MYO9B: variants seen among roughly 807,000 people sequenced by gnomAD.
MYO9B encodes the protein unconventional myosin-IXb.
In MYO9B, 71 loss-of-function variants were observed where a neutral mutation model predicts 229.5. That is an observed-to-expected ratio of 0.31 (90% CI 0.26 to 0.38). The LOEUF (loss-of-function observed/expected upper bound fraction) is 0.38. MYO9B is among the 10% of genes least tolerant of loss of function. The pLI is 1.00. For missense variants in MYO9B, 2,255 were observed against 2,920.5 expected (o/e 0.77, Z 5.25); for synonymous variants, 1,185 against 1,235.8 (o/e 0.96, Z 0.86).
At chr19:17,138,190 G>A (rs1034338884) in intron 2 of MYO9B, among the ~76,000 whole-genome samples, 15 of 152,148 alleles carry the variant, frequency 9.9e-5, no homozygotes, top group African/African-American at 3.6e-4. Context: ...TGAGAATGAT[G>A]GTTTCCAGCT....
At chr19:17,209,507 A>G (rs568858969) in intron 35 of MYO9B, 79 bp from the exon 36 acceptor site, 1 of 1,463,364 alleles carries the variant, frequency 6.8e-7, no homozygotes, top group East Asian at 2.5e-5. Context: ...CCCCCCAGGC[A>G]CCAGCTAGCA....
chr19:17,200,961 G>A (rs929837654), intron 26 of MYO9B, 132 bp downstream of exon 26: 26 of 1,044,886 alleles, frequency 2.5e-5, no homozygotes, highest in South Asian at 6.0e-5. Context: ...GGCTCAGGCC[G>A]GGGACAGTGG....
intron 2 of MYO9B, among the ~76,000 whole-genome samples, chr19:17,135,718 C>T (rs547043718): frequency 5.3e-5 from 8 of 152,212 alleles, no homozygotes; most frequent in African/African-American, 1.9e-4. Flanking sequence ...ATCGGGTAAT[C>T]GCAGAACCAG....
intron 3 of MYO9B, among the ~76,000 whole-genome samples, chr19:17,151,205 G>A (rs1189274909): frequency 6.6e-6 from 1 of 151,850 alleles, no homozygotes; most frequent in Non-Finnish European, 1.5e-5. Context: ...TTGAACCCAG[G>A]AGGCAGAGGT....
At chr19:17,110,217 T>C (rs552502771) in intron 2 of MYO9B, among the ~76,000 whole-genome samples, 20 of 152,286 alleles carry the variant, frequency 1.3e-4, no homozygotes, top group African/African-American at 4.8e-4. Flanking sequence ...CGCTGTGTAA[T>C]GCTGACCAAA....
intron 2 of MYO9B, among the ~76,000 whole-genome samples, chr19:17,118,461 A>AATTTATTT (rs200647611): frequency 1.3e-5 from 2 of 151,660 alleles, no homozygotes; most frequent in Non-Finnish European, 2.9e-5. Flanking sequence ...TTTTAAAATG[A>AATTTATTT]ATTTATTTAT....
chr19:17,212,574 A>C lies in MYO9B; in HGVS notation c.*264A>C. On this transcript the variant is annotated 3_prime_UTR_variant, in exon 40 of 40. Transcript: ENST00000682292. The surrounding 1 kb of genome is among the most constrained non-coding windows in gnomAD (Gnocchi z 5.4). Reference sequence around the variant, plus strand: ...TCCACCTGCGGCCTCACATCTCCCCACTCCCCTTTTTGTACGTTTAACTGT... The same window carrying C: ...TCCACCTGCGGCCTCACATCTCCCCCCTCCCCTTTTTGTACGTTTAACTGT... 2.3e-6 allele frequency: 1 copy of C among 429,482 alleles called. No individual in the cohort carries two copies. Among genetic ancestry groups the C allele is most frequent in the South Asian group, 6.6e-5 (1 of 15,216 alleles). 26.6% of individuals were successfully genotyped at this position (429,482 alleles called of 1,614,324 possible). A position where few individuals can be genotyped will look rare whatever the true frequency, so the allele number is the denominator to read the frequency against.
intron 10 of MYO9B, among the ~76,000 whole-genome samples, chr19:17,165,530 A>T (rs1274725347): frequency 6.6e-6 from 1 of 151,988 alleles, no homozygotes; most frequent in Non-Finnish European, 1.5e-5. Context: ...ACCTATGATC[A>T]CAACACTGTA....
intron 1 of MYO9B, among the ~76,000 whole-genome samples, chr19:17,092,177 T>G (rs2057644324): frequency 1.3e-5 from 2 of 152,234 alleles, no homozygotes; most frequent in South Asian, 4.1e-4. Context: ...CGCTCAGAGC[T>G]GCTCTCTGCT....
At chr19:17,143,378 G>A (rs1335274446) in intron 2 of MYO9B, among the ~76,000 whole-genome samples, 2 of 152,178 alleles carry the variant, frequency 1.3e-5, no homozygotes, top group Non-Finnish European at 2.9e-5. Flanking sequence ...ATAGCCTACT[G>A]TCTTGGGGAC....
chr19:17,195,996 C>G lies in MYO9B; in HGVS notation c.4046+523C>G, dbSNP rs910512163. Reference sequence around the variant, plus strand: ...AGCCTCCCACTGCTCGTATTGGGGGCCAGATCATTCTCTGCGGTGGGGGCT... The same window carrying G: ...AGCCTCCCACTGCTCGTATTGGGGGGCAGATCATTCTCTGCGGTGGGGGCT... On this transcript the variant is annotated intron_variant, in intron 22 of 39. Coordinates refer to ENST00000682292, the MANE Select transcript of MYO9B (RefSeq NM_004145.4). The surrounding 1 kb of genome is among the most constrained non-coding windows in gnomAD (Gnocchi z 4.5). 4.6e-5 allele frequency among the ~76,000 whole-genome samples: 7 copies of G among 151,820 alleles called. No individual in the cohort carries two copies. Among genetic ancestry groups the G allele is most frequent in the East Asian group, 1.9e-4 (1 of 5,188 alleles).
At chr19:17,119,691 A>G (rs950116026) in intron 2 of MYO9B, among the ~76,000 whole-genome samples, 10 of 152,180 alleles carry the variant, frequency 6.6e-5, no homozygotes, top group South Asian at 4.1e-4. Flanking sequence ...TCGTTCTGTC[A>G]CCCAGGCTGG....
At chr19:17,178,227 G>A (rs1386433570) in intron 14 of MYO9B, among the ~76,000 whole-genome samples, 2 of 152,164 alleles carry the variant, frequency 1.3e-5, no homozygotes, top group African/African-American at 2.4e-5. Flanking sequence ...GGGGCCATGG[G>A]GGCACTTGGC....
intron 17 of MYO9B, among the ~76,000 whole-genome samples, chr19:17,185,564 A>AAC (rs1464631376): frequency 0.011 from 1,622 of 150,730 alleles, 36 homozygotes; most frequent in African/African-American, 0.039. Context: ...AAAAAACAAA[A>AAC]CAAAACAAAA....
intron 2 of MYO9B, among the ~76,000 whole-genome samples, chr19:17,134,273 C>A (rs2880937): frequency 0.2 from 30,840 of 151,046 alleles, 3,725 homozygotes; most frequent in African/African-American, 0.33. Flanking sequence ...CGAGTGAGAT[C>A]ATGCAGTATT....
chr19:17,148,521 G>A (rs770317420), intron 3 of MYO9B, among the ~76,000 whole-genome samples: 1 of 152,110 alleles, frequency 6.6e-6, no homozygotes. Context: ...GGCTCCCTTG[G>A]CTCATGGCCA....
chr19:17,151,851 T>C (rs1225594499), intron 3 of MYO9B, among the ~76,000 whole-genome samples: 1 of 152,210 alleles, frequency 6.6e-6, no homozygotes, highest in Non-Finnish European at 1.5e-5. Flanking sequence ...TGAGCCATTA[T>C]CGTGCTACTG....
At chr19:17,131,532 G>C (rs957530061) in intron 2 of MYO9B, among the ~76,000 whole-genome samples, 2 of 152,350 alleles carry the variant, frequency 1.3e-5, no homozygotes, top group Admixed American at 6.5e-5. Flanking sequence ...GCCTCCCAAA[G>C]TGCTGGGATT....
chr19:17,146,569 G>A (rs189890013), intron 3 of MYO9B, among the ~76,000 whole-genome samples: 42 of 151,330 alleles, frequency 2.8e-4, no homozygotes, highest in Admixed American at 3.3e-4. Flanking sequence ...ATAGATAGAT[G>A]GATTCATGGG....
Sources: allele counts gnomAD v4.1 joint callset (sites outside exome capture counted in the v4.1 genomes callset), GRCh38; gene constraint gnomAD v4.1.1; non-coding constraint Gnocchi (gnomAD v3.1); transcripts MANE v1.5; gene names NCBI Gene and HGNC (gene_info 2026-07-23, HGNC 2026-07-21).